Variants in FAM169A observed in about 807,000 individuals in gnomAD.
FAM169A encodes the protein family with sequence similarity 169 member A, also known as soluble lamin-associated protein of 75 kDa.
FAM169A carries 24 observed loss-of-function variants against 75.7 expected under a neutral mutation model. That is an observed-to-expected ratio of 0.32 (90% CI 0.23 to 0.45). The LOEUF (loss-of-function observed/expected upper bound fraction) is 0.45, where lower values mean the gene tolerates loss of function less well. Ranked by LOEUF, FAM169A falls within the 20% of genes least tolerant of loss-of-function variation. The probability of loss-of-function intolerance (pLI) is 1.00; values close to 1 mark genes in which losing one functional copy is unlikely to be tolerated. For missense variants in FAM169A, 673 were observed against 784.0 expected (o/e 0.86, Z 1.69); for synonymous variants, 271 against 271.0 (o/e 1.00, Z 0.00).
rs1474671827 is a variant in FAM169A, at chr5:74,804,538, G to A, written c.867C>T (p.Tyr289=). ...ACTGATTGTCTTCAGTTCTTGCTTC[G>A]TATTCTGGAACAGATGCAGGACCAT... ...GEYGPASVPE[Y]EARTEDNQSS... The change falls in exon 8 of 13, where the codon TAC becomes TAT. Residue 289 remains tyrosine (Y), a synonymous_variant. Transcript: ENST00000687041. 8.7e-6 allele frequency: 14 copies of A among 1,611,096 alleles called. No individual in the cohort carries two copies. The highest frequency in any genetic ancestry group is 5.5e-5 in the South Asian group (5 of 90,570).
At chr5:74,794,562 A>C (rs939550855) in intron 11 of FAM169A, among the ~76,000 whole-genome samples, 1 of 151,350 alleles carries the variant, frequency 6.6e-6, no homozygotes, top group African/African-American at 2.4e-5. Context: ...GCGGATCACA[A>C]GGTCAGGAGA....
intron 1 of FAM169A, among the ~76,000 whole-genome samples, chr5:74,847,757 C>T (rs533422183): frequency 2.6e-5 from 4 of 152,274 alleles, no homozygotes; most frequent in Admixed American, 2.6e-4. Context: ...AGTGTGAAAA[C>T]AGAAATTAGT....
chr5:74,838,877 G>A (rs1433069469), intron 4 of FAM169A, 88 bp downstream of exon 4: 2 of 897,260 alleles, frequency 2.2e-6, no homozygotes, highest in Non-Finnish European at 3.7e-6. Context: ...ATTTTTAAAT[G>A]GGGAAGAGCT....
intron 1 of FAM169A, among the ~76,000 whole-genome samples, chr5:74,850,926 T>C (rs1180741005): frequency 6.6e-6 from 1 of 152,188 alleles, no homozygotes; most frequent in Non-Finnish European, 1.5e-5. Flanking sequence ...TTGTTTTTGT[T>C]TGTTGTTAGA....
At chr5:74,835,220 AAC>A (rs1469488862) in intron 4 of FAM169A, among the ~76,000 whole-genome samples, 1 of 152,176 alleles carries the variant, frequency 6.6e-6, no homozygotes, top group Non-Finnish European at 1.5e-5. Flanking sequence ...ATAGAACAGA[AAC>A]AGAGTCTCAC....
At position 74,780,885 on chromosome 5, in the gene FAM169A, G is replaced by A. The variant is rs923896412; in HGVS notation, c.*575C>T. ...AGGAAAAAACTGCATCTATATCTAG[G>A]ATTAAGAGGCCAAAACCAAAATATC... is the stretch of plus-strand genomic sequence containing the variant. On this transcript the variant is annotated 3_prime_UTR_variant, in exon 13 of 13. Coordinates refer to ENST00000687041, the MANE Select transcript of FAM169A (RefSeq NM_001376049.1). 2.6e-5 allele frequency: 4 copies of A among 152,274 alleles called. No homozygotes were observed. The highest frequency in any genetic ancestry group is 7.2e-5 in the African/African-American group (3 of 41,450). The allele number at this position is 152,274 out of a possible 1,614,324, so 9.4% of individuals were successfully genotyped here.
At chr5:74,848,664 G>A (rs1020804750) in intron 1 of FAM169A, 6 of 152,082 alleles carry the variant, frequency 3.9e-5, no homozygotes, top group Non-Finnish European at 7.4e-5. Flanking sequence ...CATTGGTAAC[G>A]TGATGCAACT....
At chr5:74,799,878 A>T in intron 10 of FAM169A, 2 of 1,002,072 alleles carry the variant, frequency 2.0e-6, no homozygotes, top group Middle Eastern at 2.1e-4. Context: ...CATCCAACGC[A>T]ACATGTCTGC....
chr5:74,841,631 A>G lies in FAM169A; in HGVS notation c.46T>C (p.Leu16=), dbSNP rs572149205. ...ATGTAATCTTCAGCAGAATTTTCCA[A>G]TTCCTCATGGCTGCAATTTTCCAGC... ...DMLENCSHEE[L]ENSAEDYMSD... Residue 16 remains leucine (L), a synonymous_variant, in exon 2 of 13, where the codon TTG becomes CTG. Transcript: ENST00000687041. The G allele has an allele frequency of 9.9e-6, 16 of 1,613,242 alleles. No individual in the cohort carries two copies. Among genetic ancestry groups the G allele is most frequent in the South Asian group, 6.6e-5 (6 of 91,070 alleles).
chr5:74,848,315 C>T (rs1486414931), intron 1 of FAM169A, among the ~76,000 whole-genome samples: 2 of 152,072 alleles, frequency 1.3e-5, no homozygotes, highest in African/African-American at 2.4e-5. Flanking sequence ...CTATCTGCCC[C>T]ATTTGATAGA....
At chr5:74,789,132 T>C (rs187151508) in intron 11 of FAM169A, among the ~76,000 whole-genome samples, 1 of 152,344 alleles carries the variant, frequency 6.6e-6, no homozygotes, top group East Asian at 1.9e-4. Context: ...GTCATAACCT[T>C]GTTCAAAGAG....
chr5:74,834,703 C>T, intron 4 of FAM169A, 106 bp from the exon 5 acceptor site: 1 of 873,856 alleles, frequency 1.1e-6, no homozygotes, highest in East Asian at 3.0e-5. Context: ...GAATTCAAAG[C>T]ACTTCAAATG....
rs904772027 is a variant in FAM169A at position 74,794,041 on chromosome 5, A to G, written c.1260+1989T>C. ...AAAAAGAAATATTACAAAAATAAAC[A>G]TAAAAATATCATTTCATGAGGGTGG... On this transcript the variant is annotated intron_variant, in intron 11 of 12. Coordinates refer to ENST00000687041, the MANE Select transcript of FAM169A (RefSeq NM_001376049.1). Among the ~76,000 whole-genome samples, 6 of 151,120 alleles carry G rather than the reference A, an allele frequency of 4.0e-5. No homozygotes were observed. The East Asian group carries it at 9.8e-4, about 25-fold the overall frequency.
At chr5:74,830,236 A>T (rs1449659662) in intron 5 of FAM169A, among the ~76,000 whole-genome samples, 4 of 152,230 alleles carry the variant, frequency 2.6e-5, no homozygotes, top group African/African-American at 9.6e-5. Flanking sequence ...TTGACTTAAG[A>T]TTACAGATTA....
chr5:74,815,889 G>T (rs1156856649), intron 5 of FAM169A, among the ~76,000 whole-genome samples: 1 of 152,192 alleles, frequency 6.6e-6, no homozygotes, highest in Non-Finnish European at 1.5e-5. Flanking sequence ...CTGAAAAGGG[G>T]AGGCATGAAT....
At chr5:74,852,237 T>C (rs888034653) in intron 1 of FAM169A, among the ~76,000 whole-genome samples, 1 of 152,082 alleles carries the variant, frequency 6.6e-6, no homozygotes, top group Non-Finnish European at 1.5e-5. Flanking sequence ...TCTCAGCAAT[T>C]TGGAAAAATG....
chr5:74,841,553 T>C lies in FAM169A; in HGVS notation c.124A>G (p.Asn42Asp). Residue 42 changes from asparagine (N) to aspartate (D), a missense_variant, in exon 2 of 13, where the codon AAT (asparagine) becomes GAT (aspartate). Physicochemically the swap from Asn to Asp is conservative, Grantham distance 23. Transcript: ENST00000687041. ...PENPECFSLL[N>D]ITIPISLSNV... ...ACTGCAGAACACCTTACCGTAATATTGAGAAGAGAAAAACACTCTGGATTT... is the reference window on the plus strand; with the variant it reads ...ACTGCAGAACACCTTACCGTAATATCGAGAAGAGAAAAACACTCTGGATTT... 4 of 1,612,424 alleles carry C rather than the reference T, an allele frequency of 2.5e-6. No homozygotes were observed. The highest frequency in any genetic ancestry group is 3.4e-6 in the Non-Finnish European group (4 of 1,178,984).
chr5:74,814,052 C>G (rs754974870), intron 5 of FAM169A, 33 bp from the exon 6 acceptor site: 2 of 1,441,190 alleles, frequency 1.4e-6, no homozygotes, highest in Non-Finnish European at 1.8e-6. Context: ...CCAATAATTT[C>G]TCACATTAAA....
chr5:74,863,754 G>C (rs887654997), intron 1 of FAM169A, among the ~76,000 whole-genome samples: 3 of 152,058 alleles, frequency 2.0e-5, no homozygotes, highest in African/African-American at 7.2e-5. Context: ...AGCACACCAA[G>C]ATCACTTCCA....
Sources: gnomAD v4.1 joint callset for allele counts (sites outside exome capture counted in the v4.1 genomes callset) on GRCh38, gnomAD v4.1.1 for gene constraint, MANE v1.5 for transcripts, NCBI Gene and HGNC (gene_info 2026-07-23, HGNC 2026-07-21) for gene names.